The following MYH10 variants were observed in gnomAD, a reference collection of about 807,000 sequenced individuals.
MYH10 encodes the protein myosin heavy chain 10, also known as myosin-10.
MYH10 carries 55 observed loss-of-function variants against 257.8 expected under a neutral mutation model. The ratio of observed to expected loss-of-function variants is 0.21; its 90% CI spans 0.17 to 0.27. MYH10 has a LOEUF of 0.27. Ranked by LOEUF, MYH10 falls within the 10% of genes least tolerant of loss-of-function variation. The pLI is 1.00. For synonymous variants in MYH10, 854 were observed against 921.7 expected (o/e 0.93, Z 1.33); for missense variants, 1,631 against 2,500.6 (o/e 0.65, Z 7.42).
At chr17:8,532,983 T>TA (rs1465441491) in intron 16 of MYH10, among the ~76,000 whole-genome samples, 1 of 152,216 alleles carries the variant, frequency 6.6e-6, no homozygotes, top group Non-Finnish European at 1.5e-5. Context: ...TCCATGCTTA[T>TA]AATGTCAGTA....
At position 8,569,081 on chromosome 17, in the gene MYH10, GT is replaced by G. The variant is rs1251434708; in HGVS notation, c.756+638del. ...AAAGTTACTCTTTTAAATTAGCCTG[GT>G]GAAGTAACGTGAGCCTGTAGTCCCG... is the stretch of plus-strand genomic sequence containing the variant. On this transcript the variant is annotated intron_variant, in intron 7 of 42. Coordinates refer to ENST00000360416, the MANE Select transcript of MYH10 (RefSeq NM_001256012.3). This position sits in a 1 kb window ranked among gnomAD's most constrained non-coding sequence, Gnocchi z 4.1. Among the ~76,000 whole-genome samples the G allele has an allele frequency of 9.2e-5, 14 of 151,720 alleles. No homozygotes were observed. Among genetic ancestry groups the G allele is most frequent in the African/African-American group, 3.4e-4 (14 of 41,306 alleles).
intron 7 of MYH10, among the ~76,000 whole-genome samples, chr17:8,558,736 T>C (rs1039882096): frequency 1.3e-5 from 2 of 152,248 alleles, no homozygotes; most frequent in African/African-American, 4.8e-5. Context: ...AAAATTCTGA[T>C]AGCTCATATT....
At chr17:8,492,719 A>G in intron 33 of MYH10, 57 bp downstream of exon 33, 1 of 1,573,738 alleles carries the variant, frequency 6.4e-7, no homozygotes. Flanking sequence ...ATTATTTTAA[A>G]CCAAACGAAC....
chr17:8,618,033 T>C (rs974873404), intron 2 of MYH10, among the ~76,000 whole-genome samples: 9 of 152,188 alleles, frequency 5.9e-5, no homozygotes, highest in African/African-American at 2.2e-4. Context: ...TGCAAAACTT[T>C]TATTGTCTGG....
chr17:8,486,770 A>G (rs1914887552), intron 36 of MYH10, among the ~76,000 whole-genome samples: 1 of 151,982 alleles, frequency 6.6e-6, no homozygotes, highest in Non-Finnish European at 1.5e-5. Flanking sequence ...TTCCCCACAC[A>G]CCCCATCACT....
chr17:8,582,599 C>T (rs769444540), intron 4 of MYH10, among the ~76,000 whole-genome samples: 16 of 152,226 alleles, frequency 1.1e-4, no homozygotes, highest in Admixed American at 5.2e-4. Context: ...TCTGTTGAAG[C>T]ACATTCGGAC....
chr17:8,527,939 G>C (rs774450783), intron 17 of MYH10, among the ~76,000 whole-genome samples: 1 of 152,218 alleles, frequency 6.6e-6, no homozygotes, highest in Non-Finnish European at 1.5e-5. Flanking sequence ...CGTAAACTAT[G>C]TCAGACCTAA....
chr17:8,600,775 A>T (rs1461702875), intron 3 of MYH10, among the ~76,000 whole-genome samples: 1 of 152,134 alleles, frequency 6.6e-6, no homozygotes, highest in African/African-American at 2.4e-5. Flanking sequence ...ACACATAGAC[A>T]CAGTGTTAGT....
intron 3 of MYH10, 37 bp from the exon 4 acceptor site, chr17:8,589,145 T>G: frequency 6.2e-7 from 1 of 1,603,464 alleles, no homozygotes; most frequent in Non-Finnish European, 8.5e-7. Flanking sequence ...AAAAAGAAAG[T>G]GACCATTTGC....
chr17:8,595,414 T>C (rs1438852004), intron 3 of MYH10, among the ~76,000 whole-genome samples: 1 of 138,422 alleles, frequency 7.2e-6, no homozygotes, highest in East Asian at 2.2e-4. Flanking sequence ...GTCTCCCCAG[T>C]AAGAACAGTT....
chr17:8,507,011 CAGTT>C (rs772389775), intron 26 of MYH10, among the ~76,000 whole-genome samples: 5 of 152,222 alleles, frequency 3.3e-5, no homozygotes, highest in Non-Finnish European at 7.3e-5. Flanking sequence ...AGTGATCTCT[CAGTT>C]AGCCCTAGTG....
intron 32 of MYH10, 23 bp from the exon 33 acceptor site, chr17:8,493,047 CAG>C (rs1325150465): frequency 6.2e-7 from 1 of 1,609,090 alleles, no homozygotes; most frequent in African/African-American, 1.3e-5. Flanking sequence ...TACGGACAAA[CAG>C]AAAGCTCAGT....
intron 35 of MYH10, among the ~76,000 whole-genome samples, chr17:8,489,691 G>A (rs962696228): frequency 3.7e-5 from 3 of 80,288 alleles, no homozygotes; most frequent in African/African-American, 1.3e-4. Flanking sequence ...GTGACAGAGC[G>A]AGACTCCGTC....
intron 4 of MYH10, among the ~76,000 whole-genome samples, chr17:8,584,624 C>A (rs940967242): frequency 2.6e-5 from 4 of 152,138 alleles, no homozygotes; most frequent in Non-Finnish European, 5.9e-5. Flanking sequence ...CTAGAGCACA[C>A]TTAACAGGTG....
intron 6 of MYH10, among the ~76,000 whole-genome samples, chr17:8,572,269 A>T (rs923772735): frequency 6.6e-6 from 1 of 150,446 alleles, no homozygotes; most frequent in African/African-American, 2.4e-5. Flanking sequence ...AGTGAGAGAG[A>T]GAGAGAGAGA....
rs778066281 is a variant in MYH10 at position 8,545,441 on chromosome 17, A to C, written c.1431+7T>G. 1 of 1,612,618 alleles carries C rather than the reference A, an allele frequency of 6.2e-7. No individual in the cohort carries two copies. The highest frequency in any genetic ancestry group is 8.5e-7 in the Non-Finnish European group (1 of 1,179,658). On this transcript the variant is annotated splice_region_variant and intron_variant, in intron 13 of 42. Transcript: ENST00000360416. This position sits in a 1 kb window ranked among gnomAD's most constrained non-coding sequence, Gnocchi z 4.7. ...AGGACGAGCTAGAGGAAGAGGGGGA[A>C]GAATACCTCAAAAATTTCAAATCCA... is the stretch of plus-strand genomic sequence containing the variant.
chr17:8,585,286 G>GTATATATATATATATATATATATATA (rs71361807), intron 4 of MYH10, among the ~76,000 whole-genome samples: 1,290 of 84,014 alleles, frequency 0.015, 83 homozygotes, highest in South Asian at 0.021. Context: ...ATGTGTGTGT[G>GTATATATATATATATATATATATATA]TGTATATATA....
intron 7 of MYH10, among the ~76,000 whole-genome samples, chr17:8,567,185 A>G (rs908360018): frequency 8.5e-5 from 13 of 152,288 alleles, no homozygotes; most frequent in Admixed American, 3.9e-4. Context: ...CTCAGGCTCA[A>G]TGGGGATGAT....
chr17:8,499,434 C>G lies in MYH10; in HGVS notation c.3787G>C (p.Asp1263His). Residue 1263 changes from aspartate to histidine, a missense_variant, in exon 30 of 43, where the codon GAT becomes CAT. Coordinates refer to ENST00000360416, the MANE Select transcript of MYH10 (RefSeq NM_001256012.3). Reference sequence around the variant, plus strand: ...ACCTCACACGCCAGCTCCTTGTTATCTGTCTCCAGGCCCTGCTTGTTCTTC... The same window carrying G: ...ACCTCACACGCCAGCTCCTTGTTATGTGTCTCCAGGCCCTGCTTGTTCTTC... ...LEKNKQGLETDNKELACEVKV... is the reference protein window; with the variant it reads ...LEKNKQGLETHNKELACEVKV... 6.2e-7 allele frequency: 1 copy of G among 1,614,198 alleles called. No homozygotes were observed. The highest frequency in any genetic ancestry group is 8.5e-7 in the Non-Finnish European group (1 of 1,180,040).
Sources: gnomAD v4.1 joint callset for allele counts (sites outside exome capture counted in the v4.1 genomes callset) on GRCh38, gnomAD v4.1.1 for gene constraint, Gnocchi (gnomAD v3.1) non-coding constraint, MANE v1.5 for transcripts, NCBI Gene and HGNC (gene_info 2026-07-23, HGNC 2026-07-21) for gene names.